ZC2HC1A: variants seen among roughly 807,000 people sequenced by gnomAD.
ZC2HC1A encodes the protein zinc finger C2HC domain-containing protein 1A.
Under a neutral mutation model 40.7 loss-of-function variants are expected in ZC2HC1A, and 28 were observed. The ratio of observed to expected loss-of-function variants is 0.69; its 90% confidence interval spans 0.51 to 0.94. ZC2HC1A has a LOEUF of 0.94. Ranked by LOEUF, ZC2HC1A falls within the 40% of genes least tolerant of loss-of-function variation. The pLI is 0.00. For synonymous variants in ZC2HC1A, 129 were observed against 129.2 expected, an observed-to-expected ratio of 1.00 and a Z score of 0.01; for missense variants, 389 against 386.3, an observed-to-expected ratio of 1.01 and a Z score of -0.06.
At chr8:78,683,039 T>C (rs1236421295) in intron 3 of ZC2HC1A, among the ~76,000 whole-genome samples, 2 of 152,240 alleles carry the variant, frequency 1.3e-5, no homozygotes, top group South Asian at 2.1e-4. Context: ...TGGGCTCCCA[T>C]GGCCTTGGGC....
At chr8:78,711,571 T>C (rs1810951220) in intron 7 of ZC2HC1A, among the ~76,000 whole-genome samples, 1 of 152,210 alleles carries the variant, frequency 6.6e-6, no homozygotes, top group South Asian at 2.1e-4. Flanking sequence ...TTTTGGAATT[T>C]TAAAAAGCAC....
chr8:78,711,923 T>C (rs1019994854), intron 7 of ZC2HC1A: 23 of 1,028,942 alleles, frequency 2.2e-5, no homozygotes, highest in Non-Finnish European at 3.0e-5. Context: ...TAATGTCTTT[T>C]AAAAAAACTT....
chr8:78,668,056 A>G (rs1170952112), intron 1 of ZC2HC1A, among the ~76,000 whole-genome samples: 1 of 152,026 alleles, frequency 6.6e-6, no homozygotes, highest in Non-Finnish European at 1.5e-5. Flanking sequence ...TAAATTATGT[A>G]GGGCAAAACA....
chr8:78,681,395 C>G (rs1390650905), intron 3 of ZC2HC1A, among the ~76,000 whole-genome samples: 1 of 152,066 alleles, frequency 6.6e-6, no homozygotes, highest in Non-Finnish European at 1.5e-5. Context: ...AATCACAGAG[C>G]AGATGAATGT....
chr8:78,687,245 G>A (rs1261148039), intron 4 of ZC2HC1A, among the ~76,000 whole-genome samples: 1 of 151,868 alleles, frequency 6.6e-6, no homozygotes, highest in Non-Finnish European at 1.5e-5. Context: ...GGTTGTTAAT[G>A]TAACAGGGTA....
intron 8 of ZC2HC1A, among the ~76,000 whole-genome samples, chr8:78,716,691 G>T (rs1017896447): frequency 6.6e-6 from 1 of 152,014 alleles, no homozygotes; most frequent in Non-Finnish European, 1.5e-5. Flanking sequence ...TAAATTCCTA[G>T]CACAAAGAAC....
At chr8:78,678,344 T>C (rs1238315786) in intron 2 of ZC2HC1A, among the ~76,000 whole-genome samples, 2 of 151,980 alleles carry the variant, frequency 1.3e-5, no homozygotes, top group African/African-American at 4.8e-5. Context: ...GTGTTTATAA[T>C]TTTTTTTAGT....
intron 7 of ZC2HC1A, among the ~76,000 whole-genome samples, chr8:78,705,804 T>C (rs1810755338): frequency 6.6e-6 from 1 of 151,814 alleles, no homozygotes; most frequent in Non-Finnish European, 1.5e-5. Flanking sequence ...AGTTGGGAGG[T>C]TCTTTCCAGT....
At chr8:78,715,625 T>C (rs981003462) in intron 8 of ZC2HC1A, among the ~76,000 whole-genome samples, 1 of 152,134 alleles carries the variant, frequency 6.6e-6, no homozygotes, top group Non-Finnish European at 1.5e-5. Context: ...ATGGATGACT[T>C]TGAGGGACTT....
chr8:78,673,921 G>T (rs957327831), intron 1 of ZC2HC1A, among the ~76,000 whole-genome samples: 2 of 151,894 alleles, frequency 1.3e-5, no homozygotes, highest in Non-Finnish European at 2.9e-5. Flanking sequence ...AAATGGTATT[G>T]TATCTGTTTA....
rs185592263 is a variant in ZC2HC1A at position 78,707,386 on chromosome 8, A to C, written c.705-7835A>C. ...AGTTAGAAGACTAGGTTTCTGCATC[A>C]TAATCTGCCACTAAATAGCTTTGGG... On this transcript the variant is annotated intron_variant, in intron 7 of 8. Transcript: ENST00000263849. Among the ~76,000 whole-genome samples the C allele has an allele frequency of 2.4e-3, 361 of 152,332 alleles. 2 individuals carry two copies. Among genetic ancestry groups the C allele is most frequent in the African/African-American group, 8.1e-3 (338 of 41,582 alleles).
intron 3 of ZC2HC1A, among the ~76,000 whole-genome samples, chr8:78,680,286 CAAAAAAAAAAAAAAAAAAA>C (rs3070855): frequency 2.3e-5 from 2 of 88,150 alleles, no homozygotes; most frequent in African/African-American, 4.5e-5. Flanking sequence ...GACTCCGTCT[CAAAAAAAAAAAAAAAAAAA>C]AAAAAAAAAA....
intron 5 of ZC2HC1A, among the ~76,000 whole-genome samples, chr8:78,694,584 C>A (rs1380171624): frequency 1.3e-5 from 2 of 152,126 alleles, no homozygotes; most frequent in Non-Finnish European, 2.9e-5. Flanking sequence ...CTGGAAATTT[C>A]TTTTCCTCTC....
intron 3 of ZC2HC1A, among the ~76,000 whole-genome samples, chr8:78,680,718 C>T (rs1377534312): frequency 3.3e-5 from 5 of 152,060 alleles, no homozygotes; most frequent in Admixed American, 6.6e-5. Flanking sequence ...AGAAATTACC[C>T]GTAAGAGGAG....
chr8:78,676,496 G>T (rs974496351), intron 2 of ZC2HC1A, among the ~76,000 whole-genome samples: 4 of 151,918 alleles, frequency 2.6e-5, no homozygotes, highest in African/African-American at 9.7e-5. Flanking sequence ...TAAAAATTAT[G>T]CCTATGTACC....
Position 78,671,417 on chromosome 8 carries a change from A to G in ZC2HC1A, c.17-4370A>G, listed in dbSNP as rs140559552. ...ATTTCAACAGTATTTGCTCTCTGAT[A>G]TAATATTCACCAATAATCACCCCTC... On this transcript the variant is annotated intron_variant, in intron 1 of 8. Coordinates refer to ENST00000263849, the MANE Select transcript of ZC2HC1A (RefSeq NM_016010.3). Among the ~76,000 whole-genome samples the G allele has an allele frequency of 2.6e-5, 4 of 152,314 alleles. No homozygotes were observed. In the East Asian group the frequency reaches 7.7e-4, roughly 29 times the overall value.
chr8:78,700,473 A>T (rs985043011), intron 7 of ZC2HC1A, among the ~76,000 whole-genome samples: 1 of 151,960 alleles, frequency 6.6e-6, no homozygotes, highest in African/African-American at 2.4e-5. Flanking sequence ...TACTCTGTTG[A>T]TAGTTTCTTT....
chr8:78,666,125 C>T lies in ZC2HC1A; in HGVS notation c.-24C>T, dbSNP rs748053506. The T allele has an allele frequency of 1.9e-6, 3 of 1,564,422 alleles. No homozygotes were observed. The highest frequency in any genetic ancestry group is 1.7e-6 in the Non-Finnish European group (2 of 1,154,456). ...GTGGCGGGCGCTGCTGAAGGAGTCT[C>T]GCTGAGCTCGAGGAGGTGGCGCGAT... On this transcript the variant is annotated 5_prime_UTR_variant, in exon 1 of 9. Coordinates refer to ENST00000263849, the MANE Select transcript of ZC2HC1A (RefSeq NM_016010.3).
At chr8:78,704,408 A>G (rs952210375) in intron 7 of ZC2HC1A, among the ~76,000 whole-genome samples, 2 of 149,266 alleles carry the variant, frequency 1.3e-5, no homozygotes, top group Admixed American at 1.3e-4. Context: ...AAAAAAAAAG[A>G]ATGTTAAATA....
Sources: allele counts gnomAD v4.1 joint callset (sites outside exome capture counted in the v4.1 genomes callset), GRCh38; gene constraint gnomAD v4.1.1; transcripts MANE v1.5; gene names NCBI Gene and HGNC (gene_info 2026-07-23, HGNC 2026-07-21).